The following GRAMD2B variants were observed in gnomAD, a reference collection of about 807,000 sequenced individuals.
GRAMD2B encodes GRAM domain-containing protein 2B.
In GRAMD2B, 41 loss-of-function variants were observed where a neutral mutation model predicts 59.2. The observed-to-expected ratio is 0.69, with a 90% CI of 0.54 to 0.90. The LOEUF (loss-of-function observed/expected upper bound fraction) is 0.90, where lower values mean the gene tolerates loss of function less well. Ranked by LOEUF, GRAMD2B falls within the 40% of genes least tolerant of loss-of-function variation. The pLI is 0.00. For synonymous variants in GRAMD2B, 161 were observed against 182.7 expected (o/e 0.88, Z 0.96); for missense variants, 424 against 500.5 (o/e 0.85, Z 1.46).
upstream of GRAMD2B, among the ~76,000 whole-genome samples, chr5:126,419,158 C>T (rs1759500483): frequency 6.6e-6 from 1 of 152,090 alleles, no homozygotes; most frequent in South Asian, 2.1e-4. Flanking sequence ...AAGGAATTAC[C>T]TGAGATTGGG....
At chr5:126,476,129 T>A (rs1770556353) in intron 5 of GRAMD2B, among the ~76,000 whole-genome samples, 1 of 151,464 alleles carries the variant, frequency 6.6e-6, no homozygotes, top group South Asian at 2.1e-4. Flanking sequence ...AAAAATTAGC[T>A]GGGTGTGGTG....
chr5:126,382,444 G>A (rs1255374523), intron 1 of GRAMD2B, among the ~76,000 whole-genome samples: 1 of 151,886 alleles, frequency 6.6e-6, no homozygotes, highest in Admixed American at 6.6e-5. Context: ...TTGTCTTCAC[G>A]TTCTGAAGCT....
At chr5:126,421,079 G>A (rs749245894), upstream of GRAMD2B, among the ~76,000 whole-genome samples, 11 of 152,206 alleles carry the variant, frequency 7.2e-5, no homozygotes, top group Non-Finnish European at 1.3e-4. Context: ...CAGAGGCTGG[G>A]AGGAGGTGAG....
At chr5:126,375,751 T>A (rs549238888) in intron 1 of GRAMD2B, among the ~76,000 whole-genome samples, 108 of 152,330 alleles carry the variant, frequency 7.1e-4, no homozygotes, top group Middle Eastern at 3.4e-3. Flanking sequence ...ATTCTAGATA[T>A]CCTTGTATTG....
chr5:126,414,553 C>T (rs1759099097), intron 1 of GRAMD2B, among the ~76,000 whole-genome samples: 1 of 152,138 alleles, frequency 6.6e-6, no homozygotes, highest in Non-Finnish European at 1.5e-5. Context: ...GCTTTGATCT[C>T]CTAGATTCAA....
intron 1 of GRAMD2B, among the ~76,000 whole-genome samples, chr5:126,454,433 A>T (rs891878202): frequency 5.3e-5 from 8 of 152,216 alleles, no homozygotes; most frequent in Non-Finnish European, 1.2e-4. Context: ...AAGCAGTGAC[A>T]AAAGCCCTTG....
chr5:126,490,397 A>G (rs150739795), intron 13 of GRAMD2B: 2 of 152,340 alleles, frequency 1.3e-5, no homozygotes, highest in East Asian at 1.9e-4. Context: ...AACTGAAAAC[A>G]GAAGAGCTTG....
At chr5:126,419,573 T>A (rs1392702119), upstream of GRAMD2B, among the ~76,000 whole-genome samples, 1 of 152,064 alleles carries the variant, frequency 6.6e-6, no homozygotes, top group Non-Finnish European at 1.5e-5. Flanking sequence ...CCAAACACAT[T>A]ATTTGTACTC....
chr5:126,452,540 C>T (rs1256213548), intron 1 of GRAMD2B, among the ~76,000 whole-genome samples: 13 of 152,206 alleles, frequency 8.5e-5, no homozygotes, highest in Admixed American at 7.9e-4. Flanking sequence ...GAAACCATGG[C>T]AGGGCCTTTT....
chr5:126,455,520 T>TA (rs1294147906), intron 1 of GRAMD2B, among the ~76,000 whole-genome samples: 2 of 152,172 alleles, frequency 1.3e-5, no homozygotes, highest in Non-Finnish European at 2.9e-5. Context: ...CTCATGACCT[T>TA]ATGGCATCTC....
At chr5:126,418,083 C>A (rs952332015) in intron 1 of GRAMD2B, among the ~76,000 whole-genome samples, 3 of 152,126 alleles carry the variant, frequency 2.0e-5, no homozygotes, top group Non-Finnish European at 4.4e-5. Context: ...GGAGAGACTG[C>A]ATTGAAATAG....
At chr5:126,473,029 A>G (rs1442971280) in intron 4 of GRAMD2B, among the ~76,000 whole-genome samples, 1 of 152,222 alleles carries the variant, frequency 6.6e-6, no homozygotes, top group Non-Finnish European at 1.5e-5. Flanking sequence ...TCTCAGGTAC[A>G]ATGGTAGATT....
intron 6 of GRAMD2B, among the ~76,000 whole-genome samples, chr5:126,478,239 A>G (rs2126881479): frequency 6.7e-6 from 1 of 150,284 alleles, no homozygotes; most frequent in East Asian, 2.0e-4. Context: ...GGAGTTGGGA[A>G]CCAGCCTGGG....
chr5:126,480,794 G>A (rs1377135048), intron 8 of GRAMD2B, 87 bp downstream of exon 8: 2 of 1,243,704 alleles, frequency 1.6e-6, no homozygotes, highest in African/African-American at 3.0e-5. Context: ...ACCAGGGTGT[G>A]GGAAGAGCTT....
At chr5:126,424,924 T>C (rs751381849) in intron 1 of GRAMD2B, among the ~76,000 whole-genome samples, 1 of 152,116 alleles carries the variant, frequency 6.6e-6, no homozygotes, top group Non-Finnish European at 1.5e-5. Context: ...CAAGCCCAGG[T>C]CTCCTAACTT....
intron 1 of GRAMD2B, among the ~76,000 whole-genome samples, chr5:126,408,163 T>C (rs977509927): frequency 1.3e-5 from 2 of 151,950 alleles, no homozygotes; most frequent in Non-Finnish European, 2.9e-5. Context: ...CATAAGTAAC[T>C]GATGTTAAGC....
chr5:126,361,642 T>C (rs535898386), intron 1 of GRAMD2B, among the ~76,000 whole-genome samples: 2 of 152,158 alleles, frequency 1.3e-5, no homozygotes, highest in African/African-American at 4.8e-5. Context: ...CAAGAAACAC[T>C]GAAACACGGT....
intron 8 of GRAMD2B, among the ~76,000 whole-genome samples, chr5:126,481,191 T>TAAAAA (rs1181378327): frequency 2.3e-5 from 1 of 42,580 alleles, no homozygotes; most frequent in Non-Finnish European, 4.4e-5. Flanking sequence ...GAATTAACTG[T>TAAAAA]AAAAAAAAAA....
intron 2 of GRAMD2B, among the ~76,000 whole-genome samples, chr5:126,468,180 G>A (rs1034615907): frequency 2.0e-5 from 3 of 152,124 alleles, no homozygotes; most frequent in Non-Finnish European, 4.4e-5. Flanking sequence ...AAATGACTGC[G>A]TTTAGCCGTA....
Sources: allele counts gnomAD v4.1 joint callset (sites outside exome capture counted in the v4.1 genomes callset), GRCh38; gene constraint gnomAD v4.1.1; transcripts MANE v1.5; gene names NCBI Gene and HGNC (gene_info 2026-07-23, HGNC 2026-07-21).